The following CLPB variants were observed in gnomAD, a reference collection of about 807,000 sequenced individuals.
The protein encoded by CLPB is ClpB family mitochondrial disaggregase, also known as mitochondrial disaggregase.
CLPB carries 40 observed loss-of-function variants against 78.4 expected under a neutral mutation model. That is an observed-to-expected ratio of 0.51 (90% confidence interval 0.40 to 0.66). The LOEUF is 0.66. CLPB is among the 30% of genes least tolerant of loss of function. The pLI, the probability that CLPB is intolerant of heterozygous loss-of-function variation, is 0.00. For missense variants in CLPB, 780 were observed against 886.9 expected, an observed-to-expected ratio of 0.88 and a Z score of 1.53; for synonymous variants, 333 against 348.0, an observed-to-expected ratio of 0.96 and a Z score of 0.48.
intron 4 of CLPB, among the ~76,000 whole-genome samples, chr11:72,372,030 C>T (rs1330814250): frequency 6.6e-6 from 1 of 152,216 alleles, no homozygotes. Context: ...TTCGTAAGTA[C>T]TCCAATTTGG....
intron 12 of CLPB, among the ~76,000 whole-genome samples, 180 bp downstream of exon 12, chr11:72,295,308 CTCTG>C (rs1331074457): frequency 6.6e-6 from 1 of 152,170 alleles, no homozygotes; most frequent in East Asian, 1.9e-4. Context: ...GAAGTGGGGT[CTCTG>C]TCTCTTTTGT....
rs766101883 is a variant in CLPB, at chr11:72,293,555, C to A, written c.1846G>T (p.Gly616Cys). ...TCCACCGTGATGCGCAAAGTACAGC[C>A]CCCTGGCAGCAGGTCCTGCTCATAG... Reference protein sequence around the residue: ...AAYEQDLLPGGCTLRITVEDS... With the variant: ...AAYEQDLLPGCCTLRITVEDS... Residue 616 changes from glycine to cysteine, a missense_variant, in exon 16 of 16, where the codon GGC becomes TGC. Transcript: ENST00000538039. 1.2e-6 allele frequency: 2 copies of A among 1,614,078 alleles called. No homozygotes were observed. The highest frequency in any genetic ancestry group is 2.2e-5 in the South Asian group (2 of 91,060).
chr11:72,319,713 A>T (rs1304461496), intron 6 of CLPB, among the ~76,000 whole-genome samples: 1 of 152,218 alleles, frequency 6.6e-6, no homozygotes, highest in African/African-American at 2.4e-5. Flanking sequence ...GAGATAATGC[A>T]TTAATATATA....
intron 4 of CLPB, among the ~76,000 whole-genome samples, chr11:72,373,884 C>A (rs902055110): frequency 6.7e-6 from 1 of 149,228 alleles, no homozygotes; most frequent in African/African-American, 2.5e-5. Flanking sequence ...CGCCTGAACC[C>A]AGGAGGCAGA....
rs1565413587 is a variant in CLPB, at chr11:72,286,221, C to CTTTTTTTTTTTTTTTTTT, written c.*7145_*7146insAAAAAAAAAAAAAAAAAA. ...AGATTACAGGTGTGAGATACTGCAC[C>CTTTTTTTTTTTTTTTTTT]TGTTTTTTTTTTTTTTTTTTTTTTT... On this transcript the variant is annotated 3_prime_UTR_variant, in exon 16 of 16. Transcript: ENST00000538039. The CTTTTTTTTTTTTTTTTTT allele has an allele frequency of 1.7e-5, 1 of 59,120 alleles. No individual in the cohort carries two copies. The highest frequency in any genetic ancestry group is 3.5e-5 in the Non-Finnish European group (1 of 28,454). 3.7% of individuals were successfully genotyped at this position (59,120 alleles called of 1,614,324 possible).
chr11:72,405,994 C>T (rs1260638868), intron 2 of CLPB, among the ~76,000 whole-genome samples: 1 of 151,972 alleles, frequency 6.6e-6, no homozygotes, highest in African/African-American at 2.4e-5. Context: ...CTGAAGTTAG[C>T]AACAGAGAGA....
intron 2 of CLPB, among the ~76,000 whole-genome samples, chr11:72,427,335 C>T (rs1359928841): frequency 1.3e-5 from 2 of 152,186 alleles, no homozygotes; most frequent in Admixed American, 1.3e-4. Context: ...AAGGGTAAAG[C>T]ACGACATTAT....
intron 2 of CLPB, among the ~76,000 whole-genome samples, chr11:72,421,594 A>C (rs2135140721): frequency 6.6e-6 from 1 of 152,312 alleles, no homozygotes; most frequent in South Asian, 2.1e-4. Context: ...CTGAGAGACT[A>C]GCCCAAGGCC....
intron 9 of CLPB, among the ~76,000 whole-genome samples, chr11:72,305,953 G>A (rs768639546): frequency 1.3e-5 from 2 of 152,142 alleles, no homozygotes; most frequent in Non-Finnish European, 2.9e-5. Flanking sequence ...TCCCTAATCA[G>A]GTGGTTCCTG....
intron 4 of CLPB, among the ~76,000 whole-genome samples, chr11:72,377,164 A>G (rs1854732521): frequency 6.6e-6 from 1 of 152,230 alleles, no homozygotes; most frequent in African/African-American, 2.4e-5. Context: ...AATTTTGTGA[A>G]CAAAGCAGAG....
intron 3 of CLPB, among the ~76,000 whole-genome samples, chr11:72,384,189 G>A (rs1016043165): frequency 2.6e-5 from 4 of 152,108 alleles, no homozygotes; most frequent in Non-Finnish European, 5.9e-5. Flanking sequence ...AACCTCACTG[G>A]TAATGGTAAG....
intron 5 of CLPB, chr11:72,351,199 T>A (rs1197853082): frequency 6.6e-6 from 1 of 152,260 alleles, no homozygotes; most frequent in Non-Finnish European, 1.5e-5. Context: ...GGGTGAGATG[T>A]GGCAGAACTG....
At chr11:72,430,541 TAAC>T (rs1310029229) in intron 1 of CLPB, 178 bp from the exon 2 acceptor site, 7 of 592,560 alleles carry the variant, frequency 1.2e-5, no homozygotes, top group Middle Eastern at 6.1e-4. Context: ...TGTCCACTGT[TAAC>T]AACCTGACTT....
chr11:72,358,480 A>G (rs768971245), intron 5 of CLPB, among the ~76,000 whole-genome samples: 8 of 152,180 alleles, frequency 5.3e-5, no homozygotes, highest in Non-Finnish European at 1.2e-4. Context: ...AGGGATTTAA[A>G]GAGCCTGTGT....
At chr11:72,414,696 A>G (rs1855971041) in intron 2 of CLPB, among the ~76,000 whole-genome samples, 2 of 152,230 alleles carry the variant, frequency 1.3e-5, no homozygotes, top group Non-Finnish European at 1.5e-5. Flanking sequence ...GAGGAGGGAA[A>G]ATGAAACAAG....
At chr11:72,317,530 A>T (rs1565434235) in intron 6 of CLPB, among the ~76,000 whole-genome samples, 3 of 152,238 alleles carry the variant, frequency 2.0e-5, no homozygotes, top group African/African-American at 4.8e-5. Flanking sequence ...TATCACCTGG[A>T]GCAAGTTATT....
intron 5 of CLPB, among the ~76,000 whole-genome samples, chr11:72,338,400 A>G (rs745479675): frequency 8.5e-5 from 13 of 152,174 alleles, no homozygotes; most frequent in Non-Finnish European, 1.6e-4. Flanking sequence ...AGAGACTATG[A>G]GTAGGAGAGT....
At chr11:72,297,030 CT>C (rs1404318207) in intron 11 of CLPB, among the ~76,000 whole-genome samples, 4 of 152,248 alleles carry the variant, frequency 2.6e-5, no homozygotes, top group Admixed American at 2.6e-4. Context: ...GTGCTATTTT[CT>C]TTCCTTCGAC....
Position 72,293,264 on chromosome 11 carries a change from G to T in CLPB, c.*103C>A, listed in dbSNP as rs1335382711. 1 of 1,426,158 alleles carries T rather than the reference G, an allele frequency of 7.0e-7. No individual in the cohort carries two copies. The highest frequency in any genetic ancestry group is 1.9e-5 in the Admixed American group (1 of 52,626). The allele number at this position is 1,426,158 out of a possible 1,614,324, so 88.3% of individuals were successfully genotyped here. A position where few individuals can be genotyped will look rare whatever the true frequency, so the allele number is the denominator to read the frequency against. ...AGGAGGTAAGCAGGCCTGAGACTGG[G>T]TAGAGATGGGAGCGGCATGAGGGGA... is the stretch of plus-strand genomic sequence containing the variant. On this transcript the variant is annotated 3_prime_UTR_variant, in exon 16 of 16. Coordinates refer to ENST00000538039, the MANE Select transcript of CLPB (RefSeq NM_001258392.3).
Sources: allele counts gnomAD v4.1 joint callset (sites outside exome capture counted in the v4.1 genomes callset), GRCh38; gene constraint gnomAD v4.1.1; transcripts MANE v1.5; gene names NCBI Gene and HGNC (gene_info 2026-07-23, HGNC 2026-07-21).